Variants in WDPCP observed in about 807,000 individuals in gnomAD.
WDPCP encodes WD repeat containing planar cell polarity effector, also known as WD repeat-containing and planar cell polarity effector protein fritz homolog.
In WDPCP, 71 loss-of-function variants were observed where a neutral mutation model predicts 93.1. The ratio of observed to expected loss-of-function variants is 0.76; its 90% confidence interval spans 0.63 to 0.93. The LOEUF is 0.93. Among genes scored for constraint, WDPCP ranks in the 40% least tolerant of loss-of-function variants. WDPCP has a pLI of 0.00. For missense variants in WDPCP, 844 were observed against 887.4 expected, an observed-to-expected ratio of 0.95 and a Z score of 0.62; for synonymous variants, 315 against 315.0, an observed-to-expected ratio of 1.00 and a Z score of 0.00.
chr2:63,473,204 C>T (rs1469194857), intron 6 of WDPCP, among the ~76,000 whole-genome samples: 1 of 152,132 alleles, frequency 6.6e-6, no homozygotes, highest in Non-Finnish European at 1.5e-5. Context: ...ACGTTTTACT[C>T]TGGGAAGAAT....
intron 1 of WDPCP, among the ~76,000 whole-genome samples, chr2:63,535,963 T>A (rs1465298343): frequency 6.6e-6 from 1 of 152,204 alleles, no homozygotes; most frequent in Non-Finnish European, 1.5e-5. Context: ...AGTCTACGCA[T>A]CTGACAAAGG....
intron 9 of WDPCP, among the ~76,000 whole-genome samples, chr2:63,420,041 C>T (rs908586641): frequency 6.6e-6 from 1 of 152,054 alleles, no homozygotes; most frequent in African/African-American, 2.4e-5. Context: ...TTTTTAGAAA[C>T]AGGAGATAAA....
intron 2 of WDPCP, among the ~76,000 whole-genome samples, chr2:63,659,667 T>C (rs1710205541): frequency 6.6e-6 from 1 of 152,194 alleles, no homozygotes; most frequent in Non-Finnish European, 1.5e-5. Context: ...GGCCTCTATA[T>C]TGTGAGAGAA....
Position 63,575,438 on chromosome 2 carries a change from A to ACT in WDPCP, c.75+12758_75+12759insAG, listed in dbSNP as rs1491210658. 4.5e-4 allele frequency among the ~76,000 whole-genome samples: 44 copies of ACT among 96,962 alleles called. 1 individual carries two copies. The highest frequency in any genetic ancestry group is 5.8e-4 in the Non-Finnish European group (29 of 49,818). 63.6% of individuals were successfully genotyped at this position (96,962 alleles called of 152,430 possible). On this transcript the variant is annotated intron_variant, in intron 1 of 17. Transcript: ENST00000272321. ...TATACACTGTATACAGTGTATATAC[A>ACT]GTGTATACACTGTATATACAGTATA...
At chr2:63,454,819 T>C (rs1333871784) in intron 6 of WDPCP, among the ~76,000 whole-genome samples, 1 of 151,928 alleles carries the variant, frequency 6.6e-6, no homozygotes, top group Non-Finnish European at 1.5e-5. Flanking sequence ...CAGCAGAAAA[T>C]AATCTAGTCA....
chr2:63,136,833 T>A (rs1670654752), intron 17 of WDPCP, among the ~76,000 whole-genome samples: 1 of 152,142 alleles, frequency 6.6e-6, no homozygotes, highest in Non-Finnish European at 1.5e-5. Context: ...GTTCCTGTAT[T>A]AGTTTGCTAA....
chr2:63,685,012 C>G (rs536427269), intron 2 of WDPCP, among the ~76,000 whole-genome samples: 197 of 152,070 alleles, frequency 1.3e-3, no homozygotes, highest in South Asian at 9.3e-3. Flanking sequence ...TAAGTGATTA[C>G]ACCAAAAACA....
intron 11 of WDPCP, among the ~76,000 whole-genome samples, chr2:63,381,520 A>G (rs2104894482): frequency 6.6e-6 from 1 of 152,188 alleles, no homozygotes. Flanking sequence ...AAAAATATTG[A>G]TATCTAATGT....
intron 2 of WDPCP, among the ~76,000 whole-genome samples, chr2:63,700,898 C>T (rs1669038454): frequency 6.6e-6 from 1 of 152,158 alleles, no homozygotes; most frequent in African/African-American, 2.4e-5. Flanking sequence ...AAATTTAAGA[C>T]TTGAAACTAT....
At chr2:63,764,371 G>T (rs1409929857) in intron 2 of WDPCP, among the ~76,000 whole-genome samples, 1 of 152,160 alleles carries the variant, frequency 6.6e-6, no homozygotes, top group East Asian at 1.9e-4. Flanking sequence ...ATGCCGTGGT[G>T]ACCTCTGATG....
intron 12 of WDPCP, among the ~76,000 whole-genome samples, chr2:63,368,327 T>C (rs1324001956): frequency 7.1e-6 from 1 of 140,842 alleles, no homozygotes; most frequent in Non-Finnish European, 1.6e-5. Flanking sequence ...TATTTATTTA[T>C]TTATTTATTT....
chr2:63,560,564 A>G (rs1265950605), intron 1 of WDPCP, among the ~76,000 whole-genome samples: 1 of 152,226 alleles, frequency 6.6e-6, no homozygotes, highest in African/African-American at 2.4e-5. Context: ...TCACAATAGC[A>G]AAGACTTGGA....
intron 2 of WDPCP, among the ~76,000 whole-genome samples, chr2:63,654,350 G>A (rs1710141848): frequency 6.6e-6 from 1 of 152,176 alleles, no homozygotes; most frequent in African/African-American, 2.4e-5. Context: ...GGCTAAAATA[G>A]TTAAAATTAT....
intron 17 of WDPCP, among the ~76,000 whole-genome samples, chr2:63,140,052 C>A (rs1413888433): frequency 6.6e-6 from 1 of 152,136 alleles, no homozygotes; most frequent in Admixed American, 6.5e-5. Context: ...TATCCCAGCA[C>A]CATTTGTTGA....
chr2:63,144,953 T>TTGA (rs1671377093), intron 17 of WDPCP, among the ~76,000 whole-genome samples: 2 of 152,200 alleles, frequency 1.3e-5, no homozygotes, highest in Admixed American at 6.5e-5. Context: ...GGGTGTTCCC[T>TTGA]TGATGTAGTA....
chr2:63,399,884 T>A (rs1694012709), intron 10 of WDPCP, among the ~76,000 whole-genome samples: 1 of 152,198 alleles, frequency 6.6e-6, no homozygotes, highest in Non-Finnish European at 1.5e-5. Context: ...TCTCACATTG[T>A]ATGTATTATA....
chr2:63,236,673 C>T (rs1390420384), intron 14 of WDPCP, among the ~76,000 whole-genome samples: 1 of 152,086 alleles, frequency 6.6e-6, no homozygotes, highest in Non-Finnish European at 1.5e-5. Context: ...TGAAATAAAG[C>T]TGTACGCCTA....
intron 17 of WDPCP, among the ~76,000 whole-genome samples, chr2:63,135,325 C>G (rs1670540923): frequency 6.6e-6 from 1 of 152,156 alleles, no homozygotes; most frequent in Non-Finnish European, 1.5e-5. Context: ...AATTGTTCTT[C>G]AAATGTCGTT....
intron 17 of WDPCP, among the ~76,000 whole-genome samples, chr2:63,127,216 G>A (rs1162180570): frequency 6.7e-6 from 1 of 150,270 alleles, no homozygotes; most frequent in Non-Finnish European, 1.5e-5. Context: ...CCGCCTCCAA[G>A]GTTCAAGCAA....
Sources: allele counts gnomAD v4.1 joint callset (sites outside exome capture counted in the v4.1 genomes callset), GRCh38; gene constraint gnomAD v4.1.1; transcripts MANE v1.5; gene names NCBI Gene and HGNC (gene_info 2026-07-23, HGNC 2026-07-21).